The following DCAF12 variants were observed in gnomAD, a reference collection of about 807,000 sequenced individuals.
The protein encoded by DCAF12 is DDB1 and CUL4 associated factor 12.
In DCAF12, 28 loss-of-function variants were observed where a neutral mutation model predicts 52.8. That is an observed-to-expected ratio of 0.53 (90% CI 0.39 to 0.73). The LOEUF is 0.73. DCAF12 is among the 30% of genes least tolerant of loss of function. The pLI is 0.00. For synonymous variants in DCAF12, 196 were observed against 215.5 expected (o/e 0.91, Z 0.79); for missense variants, 425 against 552.2 (o/e 0.77, Z 2.31).
At chr9:34,095,608 T>G (rs2131427865) in intron 6 of DCAF12, among the ~76,000 whole-genome samples, 1 of 152,026 alleles carries the variant, frequency 6.6e-6, no homozygotes, top group South Asian at 2.1e-4. Flanking sequence ...AGGCTAGTTT[T>G]GAACTCCTGG....
Position 34,125,121 on chromosome 9 carries a change from G to T in DCAF12, c.235C>A (p.Leu79Met). 5 of 1,614,178 alleles carry T rather than the reference G, an allele frequency of 3.1e-6. No homozygotes were observed. The highest frequency in any genetic ancestry group is 4.2e-6 in the Non-Finnish European group (5 of 1,180,032). Residue 79 changes from leucine (L) to methionine (M), a missense_variant, in exon 2 of 9, where the codon CTG becomes ATG. Around this residue, in one of 3 missense-constraint regions of DCAF12, gnomAD observed 328 missense variants for 444.4 expected, o/e 0.74. Transcript: ENST00000361264. ...CCAAGGTGAAACTCTCTCTCCTTCA[G>T]GAGACTGGGAAGTTGCTGTGCTGCA... Reference protein sequence around the residue: ...GYAAQQLPSLLKEREFHLGTL... With the variant: ...GYAAQQLPSLMKEREFHLGTL...
chr9:34,106,556 G>A lies in DCAF12; in HGVS notation c.541-62C>T, dbSNP rs1404708808. ...ATAAGAAATTAGTAAAATAAGGATTGTAATAAACTCTCTAAAGAAGCATAC... is the reference window on the plus strand; with the variant it reads ...ATAAGAAATTAGTAAAATAAGGATTATAATAAACTCTCTAAAGAAGCATAC... On this transcript the variant is annotated intron_variant, in intron 3 of 8. Coordinates refer to ENST00000361264, the MANE Select transcript of DCAF12 (RefSeq NM_015397.4). 3 of 1,344,904 alleles carry A rather than the reference G, an allele frequency of 2.2e-6. No homozygotes were observed. In the African/African-American group the frequency reaches 4.3e-5, roughly 19 times the overall value. 83.3% of individuals were successfully genotyped at this position (1,344,904 alleles called of 1,614,324 possible). A position where few individuals can be genotyped will look rare whatever the true frequency, so the allele number is the denominator to read the frequency against.
chr9:34,121,077 C>T (rs912493489), intron 2 of DCAF12, among the ~76,000 whole-genome samples: 1 of 152,082 alleles, frequency 6.6e-6, no homozygotes, highest in Non-Finnish European at 1.5e-5. Context: ...TCACTTGAAC[C>T]TGGGAGACGG....
chr9:34,119,239 C>G (rs1048344005), intron 2 of DCAF12, among the ~76,000 whole-genome samples: 18 of 152,294 alleles, frequency 1.2e-4, no homozygotes, highest in Admixed American at 5.2e-4. Context: ...CAAGGTTCAT[C>G]TAGCTGAAAT....
chr9:34,121,788 CA>C (rs1829178663), intron 2 of DCAF12, among the ~76,000 whole-genome samples: 1 of 151,962 alleles, frequency 6.6e-6, no homozygotes, highest in Non-Finnish European at 1.5e-5. Flanking sequence ...ACTAAAAATA[CA>C]AAAATTAGCT....
chr9:34,095,550 G>A (rs1828723594), intron 6 of DCAF12, among the ~76,000 whole-genome samples: 1 of 151,568 alleles, frequency 6.6e-6, no homozygotes, highest in South Asian at 2.1e-4. Flanking sequence ...ACAATGTATG[G>A]CTAATTTTTA....
chr9:34,120,396 C>G (rs1829153337), intron 2 of DCAF12, among the ~76,000 whole-genome samples: 1 of 151,746 alleles, frequency 6.6e-6, no homozygotes, highest in African/African-American at 2.4e-5. Flanking sequence ...AGTGGCTGGG[C>G]ATGGTGGCTC....
chr9:34,107,350 A>T lies in DCAF12; in HGVS notation c.540+9T>A. 6.2e-7 allele frequency: 1 copy of T among 1,613,706 alleles called. No individual in the cohort carries two copies. The highest frequency in any genetic ancestry group is 1.1e-5 in the South Asian group (1 of 91,070). ...GCTCCCTCCAACTACAACTACTGGG[A>T]AAACTTACATCTCCTACACACACAG... On this transcript the variant is annotated intron_variant, in intron 3 of 8. Coordinates refer to ENST00000361264, the MANE Select transcript of DCAF12 (RefSeq NM_015397.4).
chr9:34,100,490 G>A (rs75781624), intron 4 of DCAF12, among the ~76,000 whole-genome samples: 1,865 of 148,312 alleles, frequency 0.013, 22 homozygotes, highest in Middle Eastern at 0.024. Flanking sequence ...GAGACACCAC[G>A]CCCAGCTTCT....
intron 7 of DCAF12, among the ~76,000 whole-genome samples, chr9:34,091,383 C>G (rs1828641379): frequency 6.6e-6 from 1 of 151,882 alleles, no homozygotes; most frequent in South Asian, 2.1e-4. Flanking sequence ...GCTGTAATCC[C>G]TGTAATCTTA....
chr9:34,109,346 C>T (rs1380073514), intron 2 of DCAF12: 4 of 198,520 alleles, frequency 2.0e-5, no homozygotes, highest in South Asian at 1.1e-4. Context: ...GTGAACTGTA[C>T]GAGATGCACC....
chr9:34,119,243 C>T (rs180880265), intron 2 of DCAF12, among the ~76,000 whole-genome samples: 82 of 152,264 alleles, frequency 5.4e-4, no homozygotes, highest in African/African-American at 1.9e-3. Flanking sequence ...GTTCATCTAG[C>T]TGAAATAACA....
Position 34,125,286 on chromosome 9 carries a change from AC to A in DCAF12, c.79-10del. On this transcript the variant is annotated splice_polypyrimidine_tract_variant and intron_variant, in intron 1 of 8. Coordinates refer to ENST00000361264, the MANE Select transcript of DCAF12 (RefSeq NM_015397.4). The stretch of plus-strand genomic sequence containing the variant: ...GAGTGATCCCAGCCAAACTGTGGAA[AC>A]AACATTAGAAATCAGGGCTTTGGCT... 1 of 1,613,330 alleles carries A rather than the reference AC, an allele frequency of 6.2e-7. No individual in the cohort carries two copies. Among genetic ancestry groups the A allele is most frequent in the Non-Finnish European group, 8.5e-7 (1 of 1,179,634 alleles).
chr9:34,117,202 G>A (rs1200735819), intron 2 of DCAF12, among the ~76,000 whole-genome samples: 3 of 151,608 alleles, frequency 2.0e-5, no homozygotes, highest in African/African-American at 4.9e-5. Context: ...TTGGATTTAA[G>A]TGACATATTC....
chr9:34,092,650 C>T (rs933042757), intron 7 of DCAF12, among the ~76,000 whole-genome samples: 5 of 151,030 alleles, frequency 3.3e-5, no homozygotes, highest in Non-Finnish European at 5.9e-5. Context: ...CACGCCACTA[C>T]ACTCCAGCCT....
At chr9:34,094,733 T>C (rs948374530) in intron 6 of DCAF12, among the ~76,000 whole-genome samples, 2 of 151,758 alleles carry the variant, frequency 1.3e-5, no homozygotes, top group South Asian at 2.1e-4. Flanking sequence ...GGTTTCACCA[T>C]GTTAGCCAGG....
intron 2 of DCAF12, among the ~76,000 whole-genome samples, chr9:34,121,632 C>T (rs1829175964): frequency 6.6e-6 from 1 of 152,054 alleles, no homozygotes; most frequent in Non-Finnish European, 1.5e-5. Flanking sequence ...AATCACACCC[C>T]ACCCCCAGCC....
intron 1 of DCAF12, chr9:34,125,536 C>A: frequency 1.7e-6 from 1 of 592,682 alleles, no homozygotes. Flanking sequence ...ATAGAACAGA[C>A]TAAAAGGTTT....
chr9:34,103,387 C>T (rs1261518247), intron 4 of DCAF12, among the ~76,000 whole-genome samples: 4 of 146,788 alleles, frequency 2.7e-5, no homozygotes, highest in Non-Finnish European at 3.0e-5. Context: ...AGCTGGGCGA[C>T]AGAGGAGGAC....
Sources: allele counts gnomAD v4.1 joint callset (sites outside exome capture counted in the v4.1 genomes callset), GRCh38; gene constraint gnomAD v4.1.1; regional missense constraint gnomAD v4.1.1; transcripts MANE v1.5; gene names NCBI Gene and HGNC (gene_info 2026-07-23, HGNC 2026-07-21).